The following WDR64 variants were observed in gnomAD, a reference collection of about 807,000 sequenced individuals.
WDR64 encodes WD repeat-containing protein 64.
A neutral mutation model predicts 139.3 loss-of-function variants in WDR64; 112 were observed. That is an observed-to-expected ratio of 0.80 (90% CI 0.69 to 0.94). WDR64 has a LOEUF of 0.94. WDR64 is among the 40% of genes least tolerant of loss of function. The pLI is 0.00. For missense variants in WDR64, 1,206 were observed against 1,293.1 expected (o/e 0.93, Z 1.03); for synonymous variants, 444 against 437.7 (o/e 1.01, Z -0.18).
chr1:241,788,890 CCAAG>C (rs1476809606), intron 24 of WDR64, among the ~76,000 whole-genome samples: 1 of 152,076 alleles, frequency 6.6e-6, no homozygotes, highest in Non-Finnish European at 1.5e-5. Context: ...GTAAAGTTTA[CCAAG>C]CAAAGTTTCT....
intron 22 of WDR64, among the ~76,000 whole-genome samples, chr1:241,783,000 C>T (rs772593336): frequency 6.6e-6 from 1 of 152,142 alleles, no homozygotes; most frequent in Non-Finnish European, 1.5e-5. Context: ...TTAAATGAAT[C>T]GCTAATTCTC....
chr1:241,687,786 C>T (rs1440743094), intron 8 of WDR64, among the ~76,000 whole-genome samples, 191 bp downstream of exon 8: 5 of 152,298 alleles, frequency 3.3e-5, no homozygotes, highest in South Asian at 2.1e-4. Flanking sequence ...TTGAACATGA[C>T]GTGTCCTAAC....
In WDR64 at chr1:241,796,358, T is replaced by C; in HGVS notation, c.3180T>C (p.Val1060=). 4 of 1,612,332 alleles carry C rather than the reference T, an allele frequency of 2.5e-6. No homozygotes were observed. The highest frequency in any genetic ancestry group is 3.4e-6 in the Non-Finnish European group (4 of 1,178,728). The change falls in exon 27 of 28, where the codon GTT becomes GTC. Residue 1060 remains valine (V), a synonymous_variant. Transcript: ENST00000437684. The part of the protein sequence containing the change: ...GITGKKKGGH[V]QREKAPRRRS... Reference sequence around the variant, plus strand: ...CAGGAAAGAAGAAGGGAGGTCATGTTCAACGTGAAAAAGTAAGTTAGTACT... The same window carrying C: ...CAGGAAAGAAGAAGGGAGGTCATGTCCAACGTGAAAAAGTAAGTTAGTACT...
intron 14 of WDR64, among the ~76,000 whole-genome samples, chr1:241,753,045 C>G (rs918185852): frequency 6.6e-6 from 1 of 152,068 alleles, no homozygotes; most frequent in Non-Finnish European, 1.5e-5. Flanking sequence ...TACTATGGGC[C>G]CATACTTTTA....
At chr1:241,687,641 C>A (rs1376834291) in intron 8 of WDR64, 46 bp downstream of exon 8, 4 of 1,540,966 alleles carry the variant, frequency 2.6e-6, no homozygotes, top group South Asian at 1.2e-5. Flanking sequence ...GAATTTCAAG[C>A]TTTTTACAAT....
chr1:241,702,539 G>T (rs1271767841), intron 8 of WDR64, among the ~76,000 whole-genome samples: 1 of 150,370 alleles, frequency 6.7e-6, no homozygotes, highest in Non-Finnish European at 1.5e-5. Flanking sequence ...AAAAAAGAAA[G>T]AACTTGAATA....
intron 23 of WDR64, among the ~76,000 whole-genome samples, chr1:241,784,537 C>T (rs1658962219): frequency 6.6e-6 from 1 of 152,062 alleles, no homozygotes; most frequent in Admixed American, 6.6e-5. Flanking sequence ...AGATACAGGG[C>T]TCTAAAAGAG....
chr1:241,707,241 A>G (rs1307973822), intron 8 of WDR64, among the ~76,000 whole-genome samples: 1 of 152,082 alleles, frequency 6.6e-6, no homozygotes, highest in African/African-American at 2.4e-5. Flanking sequence ...GCACTCATAA[A>G]TGTTGTTGAC....
At chr1:241,781,831 T>C (rs1047592126) in intron 22 of WDR64, among the ~76,000 whole-genome samples, 15 of 152,236 alleles carry the variant, frequency 9.9e-5, no homozygotes, top group South Asian at 2.1e-4. Flanking sequence ...AGTATCCTTT[T>C]GTGAAACTTG....
rs1667606466 is a variant in WDR64 at position 241,699,061 on chromosome 1, C to T, written c.974+11466C>T. On this transcript the variant is annotated intron_variant, in intron 8 of 27. Coordinates refer to ENST00000437684, the MANE Select transcript of WDR64 (RefSeq NM_001367482.1). ...GAGAACTCATGCACTATCCCAAGAA[C>T]AGCATGAGGGTAACTGCCCCCATGA... Among the ~76,000 whole-genome samples, 3 of 152,142 alleles carry T rather than the reference C, an allele frequency of 2.0e-5. No individual in the cohort carries two copies. In the South Asian group the frequency reaches 6.2e-4, roughly 32 times the overall value.
intron 15 of WDR64, among the ~76,000 whole-genome samples, chr1:241,764,743 A>G (rs1658078293): frequency 6.6e-6 from 1 of 152,272 alleles, no homozygotes; most frequent in African/African-American, 2.4e-5. Context: ...TTCTGGTTTC[A>G]GAAAATATCT....
chr1:241,771,945 C>CATAT (rs57383177), intron 19 of WDR64, among the ~76,000 whole-genome samples: 872 of 62,048 alleles, frequency 0.014, 7 homozygotes, highest in East Asian at 0.033. Flanking sequence ...TACATACATA[C>CATAT]ATATATATAT....
chr1:241,663,128 AAAGCAAC>A (rs1329853534), intron 2 of WDR64, among the ~76,000 whole-genome samples: 2 of 152,200 alleles, frequency 1.3e-5, no homozygotes, highest in Non-Finnish European at 2.9e-5. Context: ...TCCACTCACA[AAAGCAAC>A]AAATAGGAGA....
intron 8 of WDR64, among the ~76,000 whole-genome samples, chr1:241,698,878 G>A (rs1180084201): frequency 6.6e-6 from 1 of 152,188 alleles, no homozygotes; most frequent in African/African-American, 2.4e-5. Flanking sequence ...AAGGAAAGAG[G>A]TTTAATTGAC....
At chr1:241,755,461 T>G (rs1435022188) in intron 14 of WDR64, among the ~76,000 whole-genome samples, 1 of 152,232 alleles carries the variant, frequency 6.6e-6, no homozygotes, top group Admixed American at 6.5e-5. Flanking sequence ...ATTCTGCATA[T>G]TACCCCTTTG....
intron 21 of WDR64, among the ~76,000 whole-genome samples, chr1:241,777,790 T>C (rs938937360): frequency 4.6e-5 from 7 of 152,192 alleles, no homozygotes; most frequent in Non-Finnish European, 8.8e-5. Flanking sequence ...AATTTATAAA[T>C]ATTCTACCTA....
chr1:241,771,941 CATACATATATATATAT>C (rs1190185525), intron 19 of WDR64, among the ~76,000 whole-genome samples: 15 of 28,964 alleles, frequency 5.2e-4, no homozygotes, highest in South Asian at 8.1e-4. Flanking sequence ...TACATACATA[CATACATATATATATAT>C]ATATATATAT....
rs1236965287 is a variant in WDR64 at position 241,802,240 on chromosome 1, C to T, written c.*1025C>T. ...AAAGGGAATAAAATGCTAATGCATG[C>T]ATTAACATAGACCAATCTCAAGAAT... is the stretch of plus-strand genomic sequence containing the variant. On this transcript the variant is annotated 3_prime_UTR_variant, in exon 28 of 28. Transcript: ENST00000437684. 2.5e-6 allele frequency: 1 copy of T among 397,884 alleles called. No individual in the cohort carries two copies. Among genetic ancestry groups the T allele is most frequent in the Non-Finnish European group, 4.4e-6 (1 of 225,832 alleles). The allele number at this position is 397,884 out of a possible 1,614,324, so 24.6% of individuals were successfully genotyped here.
At position 241,674,939 on chromosome 1, in the gene WDR64, C is replaced by T. The variant is rs1456343934; in HGVS notation, c.483+192C>T. ...TTCCTTCCTTCTTTCCTTCCTCCCTCCCTCCTTCCTTCCTCTCTCCTCCCT... is the reference window on the plus strand; with the variant it reads ...TTCCTTCCTTCTTTCCTTCCTCCCTTCCTCCTTCCTTCCTCTCTCCTCCCT... On this transcript the variant is annotated intron_variant, in intron 4 of 27. Coordinates refer to ENST00000437684, the MANE Select transcript of WDR64 (RefSeq NM_001367482.1). Among the ~76,000 whole-genome samples, 6 of 54,054 alleles carry T rather than the reference C, an allele frequency of 1.1e-4. 2 individuals are homozygous for T. The highest frequency in any genetic ancestry group is 1.8e-4 in the Non-Finnish European group (4 of 22,580). The allele number at this position is 54,054 out of a possible 152,430, so 35.5% of individuals were successfully genotyped here.
Sources: gnomAD v4.1 joint callset for allele counts (sites outside exome capture counted in the v4.1 genomes callset) on GRCh38, gnomAD v4.1.1 for gene constraint, MANE v1.5 for transcripts, NCBI Gene and HGNC (gene_info 2026-07-23, HGNC 2026-07-21) for gene names.